ZNF385D: variants seen among roughly 807,000 people sequenced by gnomAD.
ZNF385D encodes the protein zinc finger protein 659.
A neutral mutation model predicts 35.8 loss-of-function variants in ZNF385D; 15 were observed. The ratio of observed to expected loss-of-function variants is 0.42; its 90% CI spans 0.28 to 0.64. The LOEUF is 0.64. Among genes scored for constraint, ZNF385D ranks in the 30% least tolerant of loss-of-function variants. ZNF385D has a pLI of 0.23. For synonymous variants in ZNF385D, 212 were observed against 186.8 expected, an observed-to-expected ratio of 1.13 and a Z score of -1.10; for missense variants, 474 against 494.6, an observed-to-expected ratio of 0.96 and a Z score of 0.39.
intron 3 of ZNF385D, among the ~76,000 whole-genome samples, chr3:21,560,890 C>T (rs2062919875): frequency 6.6e-6 from 1 of 152,128 alleles, no homozygotes; most frequent in Non-Finnish European, 1.5e-5. Context: ...AGGGGCCTTG[C>T]TGAGCTTCAG....
intron 4 of ZNF385D, among the ~76,000 whole-genome samples, chr3:21,467,977 C>A (rs1028822965): frequency 6.6e-6 from 1 of 151,904 alleles, no homozygotes; most frequent in African/African-American, 2.4e-5. Flanking sequence ...GACTTGTCTA[C>A]GGGAATGCAA....
intron 3 of ZNF385D, among the ~76,000 whole-genome samples, chr3:22,081,991 ATT>A (rs67970020): frequency 0.19 from 24,707 of 133,110 alleles, 1,933 homozygotes; most frequent in African/African-American, 0.26. Flanking sequence ...GGGGTTTTCT[ATT>A]TTTTTTTTTT....
intron 5 of ZNF385D, chr3:21,430,977 G>A (rs1701267530): frequency 6.6e-6 from 1 of 152,084 alleles, no homozygotes; most frequent in African/African-American, 2.4e-5. Flanking sequence ...AGCAACAGAT[G>A]TTCTTGCTAG....
chr3:21,978,707 T>G (rs1694202699), intron 3 of ZNF385D, among the ~76,000 whole-genome samples: 1 of 152,174 alleles, frequency 6.6e-6, no homozygotes, highest in Non-Finnish European at 1.5e-5. Context: ...CATTGTAAAT[T>G]TAATCAAATT....
intron 3 of ZNF385D, among the ~76,000 whole-genome samples, chr3:22,123,353 A>G (rs1703212113): frequency 6.6e-6 from 1 of 152,182 alleles, no homozygotes; most frequent in Non-Finnish European, 1.5e-5. Flanking sequence ...GGTACATGGT[A>G]GATGTATATA....
At chr3:21,470,106 G>C (rs1703789832) in intron 4 of ZNF385D, among the ~76,000 whole-genome samples, 2 of 152,190 alleles carry the variant, frequency 1.3e-5, no homozygotes, top group Non-Finnish European at 2.9e-5. Context: ...CCGTGGAAAA[G>C]TACAACTTCA....
intron 2 of ZNF385D, among the ~76,000 whole-genome samples, chr3:22,199,290 A>C (rs968453575): frequency 3.3e-5 from 5 of 152,124 alleles, no homozygotes; most frequent in African/African-American, 1.2e-4. Flanking sequence ...AGATCAGAGA[A>C]ACATGTGGAA....
intron 4 of ZNF385D, among the ~76,000 whole-genome samples, chr3:21,505,524 T>C (rs1706708570): frequency 6.6e-6 from 1 of 152,116 alleles, no homozygotes; most frequent in South Asian, 2.1e-4. Context: ...CTCTAGCAGC[T>C]AAACAAGCAC....
intron 5 of ZNF385D, among the ~76,000 whole-genome samples, chr3:21,430,269 T>C (rs1011742891): frequency 5.3e-5 from 8 of 152,174 alleles, no homozygotes; most frequent in African/African-American, 1.9e-4. Context: ...TCATTTCTGT[T>C]AGTTCCTTGG....
At chr3:21,801,714 G>T (rs1322963181) in intron 3 of ZNF385D, among the ~76,000 whole-genome samples, 2 of 152,080 alleles carry the variant, frequency 1.3e-5, no homozygotes, top group Non-Finnish European at 1.5e-5. Flanking sequence ...CAGCCCCTGG[G>T]TGCCCACAGA....
intron 3 of ZNF385D, among the ~76,000 whole-genome samples, chr3:22,150,412 A>G (rs1357541588): frequency 3.3e-5 from 5 of 152,200 alleles, no homozygotes; most frequent in African/African-American, 9.6e-5. Context: ...CTAAAGAAAC[A>G]AAGTGTTAGA....
chr3:22,330,906 C>T (rs1023370404), intron 2 of ZNF385D, among the ~76,000 whole-genome samples: 1 of 152,182 alleles, frequency 6.6e-6, no homozygotes, highest in African/African-American at 2.4e-5. Flanking sequence ...GGTCAGAAAC[C>T]CTGCAGCATC....
chr3:21,732,631 C>A (rs1397958168), intron 1 of ZNF385D, among the ~76,000 whole-genome samples: 1 of 152,170 alleles, frequency 6.6e-6, no homozygotes, highest in Admixed American at 6.5e-5. Context: ...TTGCATATCT[C>A]TAATGATACA....
chr3:21,860,726 T>G (rs1173602207), intron 3 of ZNF385D, among the ~76,000 whole-genome samples: 2 of 152,152 alleles, frequency 1.3e-5, no homozygotes, highest in Non-Finnish European at 2.9e-5. Context: ...AATCATATAT[T>G]AATTTCAGCC....
intron 4 of ZNF385D, among the ~76,000 whole-genome samples, chr3:21,452,116 A>G (rs1270966884): frequency 1.3e-5 from 2 of 152,084 alleles, no homozygotes; most frequent in Admixed American, 6.6e-5. Flanking sequence ...TTGTGTAGCA[A>G]TATCATTAGG....
intron 1 of ZNF385D, among the ~76,000 whole-genome samples, chr3:21,734,735 T>G (rs1009165265): frequency 1.3e-5 from 2 of 152,114 alleles, no homozygotes; most frequent in Non-Finnish European, 2.9e-5. Flanking sequence ...GGACCCCACG[T>G]GTCAGGAAAT....
chr3:21,552,006 G>C (rs2062583550), intron 3 of ZNF385D, among the ~76,000 whole-genome samples: 1 of 152,096 alleles, frequency 6.6e-6, no homozygotes, highest in South Asian at 2.1e-4. Flanking sequence ...ATTGGACGGG[G>C]AAGAAGCTTT....
At chr3:22,001,579 T>C (rs1454166302) in intron 3 of ZNF385D, among the ~76,000 whole-genome samples, 5 of 151,820 alleles carry the variant, frequency 3.3e-5, no homozygotes, top group African/African-American at 1.2e-4. Flanking sequence ...AGACAGAAAA[T>C]CAACAAAGAA....
chr3:22,072,068 A>G (rs1700256838), intron 3 of ZNF385D, among the ~76,000 whole-genome samples: 2 of 152,148 alleles, frequency 1.3e-5, no homozygotes, highest in South Asian at 2.1e-4. Flanking sequence ...TTATTGTAGC[A>G]TTACTTTCAT....
Sources: allele counts gnomAD v4.1 joint callset (sites outside exome capture counted in the v4.1 genomes callset), GRCh38; gene constraint gnomAD v4.1.1; transcripts MANE v1.5; gene names NCBI Gene and HGNC (gene_info 2026-07-23, HGNC 2026-07-21).